Variants in TXNRD1 observed in about 807,000 individuals in gnomAD.
The protein encoded by TXNRD1 is thioredoxin reductase 1.
Under a neutral mutation model 80.3 loss-of-function variants are expected in TXNRD1, and 57 were observed. That is an observed-to-expected ratio of 0.71 (90% CI 0.57 to 0.89). TXNRD1 has a LOEUF of 0.89. Among genes scored for constraint, TXNRD1 ranks in the 40% least tolerant of loss-of-function variants. The pLI, the probability that TXNRD1 is intolerant of heterozygous loss-of-function variation, is 0.00. For synonymous variants in TXNRD1, 291 were observed against 285.2 expected (o/e 1.02, Z -0.20); for missense variants, 730 against 803.0 (o/e 0.91, Z 1.10).
intron 3 of TXNRD1, among the ~76,000 whole-genome samples, chr12:104,274,975 A>G (rs7294997): frequency 0.91 from 137,767 of 152,204 alleles, 62,579 homozygotes; most frequent in Middle Eastern, 0.97. Flanking sequence ...CCAAAAGCAA[A>G]TGGATTGCAG....
At chr12:104,327,718 TC>T in intron 13 of TXNRD1, 47 bp downstream of exon 13, 3 of 1,569,416 alleles carry the variant, frequency 1.9e-6, no homozygotes, top group Non-Finnish European at 2.6e-6. Context: ...TCAGTAATAC[TC>T]CCAGTTCCTT....
intron 4 of TXNRD1, among the ~76,000 whole-genome samples, chr12:104,294,734 G>A (rs1198549259): frequency 2.0e-5 from 3 of 152,272 alleles, no homozygotes; most frequent in Middle Eastern, 3.4e-3. Flanking sequence ...GCCTCCCAAA[G>A]TGCTGAGATT....
At chr12:104,279,055 G>T (rs1330399503) in intron 3 of TXNRD1, among the ~76,000 whole-genome samples, 3 of 152,148 alleles carry the variant, frequency 2.0e-5, no homozygotes, top group Non-Finnish European at 4.4e-5. Flanking sequence ...CTCACATGTG[G>T]CTATGTACAT....
At chr12:104,257,961 C>G in intron 2 of TXNRD1, 58 bp from the exon 3 acceptor site, 1 of 1,322,842 alleles carries the variant, frequency 7.6e-7, no homozygotes, top group Non-Finnish European at 1.0e-6. Context: ...ATAAGAGATT[C>G]TCTTGTTGGT....
chr12:104,323,219 G>A (rs1168288087), intron 10 of TXNRD1, among the ~76,000 whole-genome samples: 1 of 86,764 alleles, frequency 1.2e-5, no homozygotes, highest in South Asian at 4.2e-4. Flanking sequence ...ACACAGACAC[G>A]GCAACCATCC....
chr12:104,331,229 CT>C (rs1215975202), intron 13 of TXNRD1, among the ~76,000 whole-genome samples: 1 of 151,914 alleles, frequency 6.6e-6, no homozygotes, highest in Non-Finnish European at 1.5e-5. Flanking sequence ...TTTTTGGCTG[CT>C]TTATTAAGGG....
intron 16 of TXNRD1, among the ~76,000 whole-genome samples, chr12:104,342,854 C>T (rs2036371889): frequency 6.6e-6 from 1 of 152,046 alleles, no homozygotes; most frequent in South Asian, 2.1e-4. Context: ...ACTGAGCGAG[C>T]AAGTGAAGTG....
At chr12:104,215,961 G>C (rs2032197552) in intron 1 of TXNRD1, 68 bp downstream of exon 1, 1 of 1,350,166 alleles carries the variant, frequency 7.4e-7, no homozygotes, top group Admixed American at 2.1e-5. Flanking sequence ...GCCGGGGTTG[G>C]GGATAAAGTG....
At chr12:104,317,466 C>T (rs2035371219) in intron 7 of TXNRD1, among the ~76,000 whole-genome samples, 1 of 144,238 alleles carries the variant, frequency 6.9e-6, no homozygotes, top group African/African-American at 2.6e-5. Flanking sequence ...TCTATCTGTT[C>T]TCTTAGAGGC....
rs749290265 is a variant in TXNRD1, at chr12:104,331,491, A to T, written c.1543-43A>T. 4.6e-6 allele frequency: 6 copies of T among 1,307,856 alleles called. No homozygotes were observed. The Admixed American group carries it at 6.9e-5, about 15-fold the overall frequency. 81.0% of individuals were successfully genotyped at this position (1,307,856 alleles called of 1,614,324 possible). On this transcript the variant is annotated intron_variant, in intron 13 of 16. Transcript: ENST00000525566. ...TTTTGAATACCTTTTTTTTTAAGTT[A>T]TAACTTTGCCTATTATAACTCCTTA...
chr12:104,320,895 C>T (rs1480062991), intron 9 of TXNRD1, among the ~76,000 whole-genome samples, 196 bp from the exon 10 acceptor site: 1 of 152,056 alleles, frequency 6.6e-6, no homozygotes, highest in Non-Finnish European at 1.5e-5. Context: ...TGAGCTACTC[C>T]CAAAGCAACT....
intron 2 of TXNRD1, among the ~76,000 whole-genome samples, chr12:104,256,971 C>CTTTTTTTTTTTTTTT (rs1437158062): frequency 1.1e-5 from 1 of 89,906 alleles, no homozygotes; most frequent in Admixed American, 1.1e-4. Context: ...AATATATTTT[C>CTTTTTTTTTTTTTTT]TTTTCTTTTT....
rs1017664303 is a variant in TXNRD1, at chr12:104,314,745, T to C, written c.611-1032T>C. ...ATACACCAAAATTTTTTTCTTTTTT[T>C]TTTTTTTTTTTTTTGAGATGGAGTC... On this transcript the variant is annotated intron_variant, in intron 6 of 16. Coordinates refer to ENST00000525566, the MANE Select transcript of TXNRD1 (RefSeq NM_001093771.3). 1.4e-4 allele frequency among the ~76,000 whole-genome samples: 21 copies of C among 145,474 alleles called. No individual in the cohort carries two copies. The East Asian group carries it at 2.2e-3, about 15-fold the overall frequency.
At chr12:104,240,694 CA>C (rs2135693274) in intron 1 of TXNRD1, among the ~76,000 whole-genome samples, 1 of 151,586 alleles carries the variant, frequency 6.6e-6, no homozygotes, top group African/African-American at 2.4e-5. Flanking sequence ...TCAGAAAAAG[CA>C]CCTACATTGT....
intron 10 of TXNRD1, among the ~76,000 whole-genome samples, chr12:104,322,822 T>C (rs1251038461): frequency 2.0e-5 from 3 of 151,706 alleles, no homozygotes; most frequent in African/African-American, 4.9e-5. Flanking sequence ...TTTATTTTTT[T>C]ATTGATAATT....
At chr12:104,311,485 C>A in intron 5 of TXNRD1, 73 bp downstream of exon 5, 1 of 1,532,854 alleles carries the variant, frequency 6.5e-7, no homozygotes. Context: ...TGACAGGGTT[C>A]TCTCCTCTCT....
intron 3 of TXNRD1, among the ~76,000 whole-genome samples, chr12:104,277,731 G>A (rs76478828): frequency 3.3e-5 from 5 of 151,906 alleles, no homozygotes; most frequent in Non-Finnish European, 5.9e-5. Flanking sequence ...CAAGTTTACC[G>A]GATTTACTTG....
chr12:104,308,217 G>A (rs1290515761), intron 4 of TXNRD1, among the ~76,000 whole-genome samples: 2 of 151,998 alleles, frequency 1.3e-5, no homozygotes, highest in African/African-American at 4.8e-5. Context: ...GGATGGTCTC[G>A]ATCTCCAGAC....
At chr12:104,265,006 T>C (rs1333058671) in intron 3 of TXNRD1, among the ~76,000 whole-genome samples, 1 of 152,042 alleles carries the variant, frequency 6.6e-6, no homozygotes, top group Non-Finnish European at 1.5e-5. Context: ...GTAATTCCAG[T>C]GTTTTGGGAG....
Sources: gnomAD v4.1 joint callset for allele counts (sites outside exome capture counted in the v4.1 genomes callset) on GRCh38, gnomAD v4.1.1 for gene constraint, MANE v1.5 for transcripts, NCBI Gene and HGNC (gene_info 2026-07-23, HGNC 2026-07-21) for gene names.